Variants in CD44 observed in about 807,000 individuals in gnomAD.
CD44 encodes CD44 molecule (IN blood group).
A neutral mutation model predicts 88.8 loss-of-function variants in CD44; 49 were observed. The observed-to-expected ratio is 0.55, with a 90% CI of 0.44 to 0.70. The LOEUF is 0.70. Among genes scored for constraint, CD44 ranks in the 30% least tolerant of loss-of-function variants. The pLI is 0.00. For synonymous variants in CD44, 325 were observed against 312.3 expected, an observed-to-expected ratio of 1.04 and a Z score of -0.43; for missense variants, 883 against 913.8, an observed-to-expected ratio of 0.97 and a Z score of 0.43.
chr11:35,155,596 C>T (rs1289025187), intron 1 of CD44, among the ~76,000 whole-genome samples: 1 of 152,150 alleles, frequency 6.6e-6, no homozygotes, highest in Non-Finnish European at 1.5e-5. Flanking sequence ...AGAATTATAT[C>T]AGGGAATAAT....
At chr11:35,223,149 C>T (rs1949439638) in intron 17 of CD44, 1 of 985,282 alleles carries the variant, frequency 1.0e-6, no homozygotes, top group South Asian at 4.7e-5. Flanking sequence ...GTATAAGGAA[C>T]AAAACTGAGA....
At chr11:35,175,688 T>C (rs1438332640) in intron 1 of CD44, among the ~76,000 whole-genome samples, 7 of 152,178 alleles carry the variant, frequency 4.6e-5, no homozygotes, top group Admixed American at 2.6e-4. Context: ...AATTAAATCA[T>C]TTGCTTTTTA....
chr11:35,143,841 T>G (rs978093372), intron 1 of CD44, among the ~76,000 whole-genome samples: 5 of 152,224 alleles, frequency 3.3e-5, no homozygotes, highest in Non-Finnish European at 7.4e-5. Context: ...AGATATGCTC[T>G]GATTTACAGG....
At chr11:35,143,062 T>G (rs1858322125) in intron 1 of CD44, among the ~76,000 whole-genome samples, 1 of 152,150 alleles carries the variant, frequency 6.6e-6, no homozygotes, top group South Asian at 2.1e-4. Context: ...TAACAACATT[T>G]GTTTCACACC....
intron 10 of CD44, chr11:35,205,871 G>T: frequency 2.6e-6 from 3 of 1,143,198 alleles, no homozygotes; most frequent in Non-Finnish European, 3.2e-6. Flanking sequence ...TGCACTGCGG[G>T]AGTTGTTAAT....
At chr11:35,142,415 A>G (rs1256657314) in intron 1 of CD44, among the ~76,000 whole-genome samples, 3 of 152,002 alleles carry the variant, frequency 2.0e-5, no homozygotes, top group African/African-American at 4.8e-5. Flanking sequence ...ATGTCCAACA[A>G]TGATAGACTG....
At chr11:35,209,873 A>G (rs1948232654) in intron 12 of CD44, 92 bp from the exon 13 acceptor site, 25 of 766,046 alleles carry the variant, frequency 3.3e-5, no homozygotes, top group Non-Finnish European at 5.4e-5. Flanking sequence ...TATCCATCTG[A>G]CTCTACTCTA....
chr11:35,202,417 G>T (rs78320778), intron 9 of CD44, among the ~76,000 whole-genome samples: 1 of 152,054 alleles, frequency 6.6e-6, no homozygotes, highest in Non-Finnish European at 1.5e-5. Flanking sequence ...CTCAAGTTGC[G>T]GCAGTGGACT....
intron 4 of CD44, among the ~76,000 whole-genome samples, chr11:35,187,843 T>C (rs1945840089): frequency 2.0e-5 from 3 of 152,226 alleles, no homozygotes; most frequent in Admixed American, 2.0e-4. Context: ...CATCCTGATA[T>C]ATGATTATCC....
Position 35,211,402 on chromosome 11 carries a change from C to T in CD44, c.1763C>T (p.Ala588Val). The T allele has an allele frequency of 1.9e-6, 3 of 1,614,000 alleles. No homozygotes were observed. The highest frequency in any genetic ancestry group is 1.7e-4 in the Middle Eastern group (1 of 6,060). ...SAKTGSFGVT[A>V]VTVGDSNSNV... ...AAGACTGGGTCCTTTGGAGTTACTG[C>T]AGTTACTGTTGGAGATTCCAACTCT... Residue 588 changes from alanine (A) to valine (V), a missense_variant, in exon 14 of 18, where the codon GCA (alanine) becomes GTA (valine). Ala to Val is a moderately conservative substitution (Grantham distance 64). Coordinates refer to ENST00000428726, the MANE Select transcript of CD44 (RefSeq NM_000610.4).
intron 1 of CD44, among the ~76,000 whole-genome samples, chr11:35,148,933 C>T (rs528782064): frequency 9.2e-5 from 14 of 152,214 alleles, no homozygotes; most frequent in Admixed American, 6.5e-4. Flanking sequence ...CTACTTGTAG[C>T]GATCCTCAAC....
chr11:35,188,748 G>A (rs745545480), intron 4 of CD44, among the ~76,000 whole-genome samples: 1 of 151,894 alleles, frequency 6.6e-6, no homozygotes, highest in Non-Finnish European at 1.5e-5. Context: ...GACCAGCCTG[G>A]CCAACACGGT....
chr11:35,196,953 T>A, intron 6 of CD44, 79 bp downstream of exon 6: 1 of 1,466,540 alleles, frequency 6.8e-7, no homozygotes, highest in Non-Finnish European at 9.4e-7. Flanking sequence ...GGGATGTTAT[T>A]AAAGCCTAAC....
chr11:35,148,955 C>T (rs1464136603), intron 1 of CD44, among the ~76,000 whole-genome samples: 5 of 152,146 alleles, frequency 3.3e-5, no homozygotes, highest in Admixed American at 3.3e-4. Context: ...CGCCTCCTCC[C>T]TTGAAATTTC....
rs760842326 is a variant in CD44 at position 35,190,044 on chromosome 11, A to G, written c.646A>G (p.Thr216Ala). The G allele has an allele frequency of 3.1e-6, 5 of 1,614,008 alleles. No homozygotes were observed. The highest frequency in any genetic ancestry group is 3.4e-6 in the Non-Finnish European group (4 of 1,179,838). Residue 216 changes from threonine to alanine, a missense_variant, in exon 5 of 18, where the codon ACA (threonine) becomes GCA (alanine). Transcript: ENST00000428726. ...DEDSPWITDS[T>A]DRIPATTLMS... Reference sequence around the variant, plus strand: ...AGACAGTCCCTGGATCACCGACAGCACAGACAGAATCCCTGCTACCAGTAA... The same window carrying G: ...AGACAGTCCCTGGATCACCGACAGCGCAGACAGAATCCCTGCTACCAGTAA...
In CD44 at chr11:35,198,203, T is replaced by C. The variant is rs1946947241; in HGVS notation, c.879T>C (p.Ser293=). 1 of 1,614,082 alleles carries C rather than the reference T, an allele frequency of 6.2e-7. No individual in the cohort carries two copies. Among genetic ancestry groups the C allele is most frequent in the Non-Finnish European group, 8.5e-7 (1 of 1,179,916 alleles). Residue 293 remains serine, a synonymous_variant, in exon 7 of 18, where the codon TCT becomes TCC. Coordinates refer to ENST00000428726, the MANE Select transcript of CD44 (RefSeq NM_000610.4). The part of the protein sequence containing the change: ...EDERDRHLSF[S]GSGIDDDEDF... ...AAAGAGACAGACACCTCAGTTTTTC[T>C]GGATCAGGCATTGATGATGATGAAG...
At chr11:35,190,187 A>G in intron 5 of CD44, 122 bp downstream of exon 5, 1 of 842,824 alleles carries the variant, frequency 1.2e-6, no homozygotes, top group South Asian at 1.6e-5. Flanking sequence ...GAAGCTGGTG[A>G]TGCCATTCAG....
At chr11:35,199,981 G>A (rs904096426) in intron 7 of CD44, among the ~76,000 whole-genome samples, 1 of 108,026 alleles carries the variant, frequency 9.3e-6, no homozygotes, top group African/African-American at 3.4e-5. Flanking sequence ...AATCTCTATG[G>A]CATATTTTTC....
intron 1 of CD44, 116 bp from the exon 2 acceptor site, chr11:35,176,459 T>G: frequency 3.4e-6 from 3 of 870,814 alleles, no homozygotes; most frequent in Non-Finnish European, 5.2e-6. Flanking sequence ...ATTGTAGGCA[T>G]GAGCCACCGC....
Sources: allele counts gnomAD v4.1 joint callset (sites outside exome capture counted in the v4.1 genomes callset), GRCh38; gene constraint gnomAD v4.1.1; transcripts MANE v1.5; gene names NCBI Gene and HGNC (gene_info 2026-07-23, HGNC 2026-07-21).